POU6F2: variants seen among roughly 807,000 people sequenced by gnomAD.
POU6F2 encodes the protein POU class 6 homeobox 2.
POU6F2 carries 31 observed loss-of-function variants against 71.3 expected under a neutral mutation model. The ratio of observed to expected loss-of-function variants is 0.43; its 90% confidence interval spans 0.33 to 0.59. POU6F2 has a LOEUF of 0.59. Among genes scored for constraint, POU6F2 ranks in the 20% least tolerant of loss-of-function variants. POU6F2 has a pLI of 0.04. For missense variants in POU6F2, 783 were observed against 856.8 expected (o/e 0.91, Z 1.07); for synonymous variants, 347 against 355.7 (o/e 0.98, Z 0.27).
chr7:39,215,922 C>T (rs1794233031), intron 4 of POU6F2, among the ~76,000 whole-genome samples: 1 of 152,216 alleles, frequency 6.6e-6, no homozygotes, highest in Non-Finnish European at 1.5e-5. Context: ...TGTGCAGTGA[C>T]TCTGCTGCAC....
intron 2 of POU6F2, among the ~76,000 whole-genome samples, chr7:39,195,574 G>C (rs865905006): frequency 6.6e-6 from 1 of 151,778 alleles, no homozygotes; most frequent in Non-Finnish European, 1.5e-5. Context: ...CCACAACACA[G>C]GGATCTCTGT....
At chr7:39,262,461 A>G (rs1430083927) in intron 4 of POU6F2, among the ~76,000 whole-genome samples, 8 of 152,242 alleles carry the variant, frequency 5.3e-5, no homozygotes, top group Non-Finnish European at 1.2e-4. Flanking sequence ...CAATGATGGC[A>G]TCCACATTGG....
chr7:39,142,261 T>C (rs998462308), intron 2 of POU6F2, among the ~76,000 whole-genome samples: 5 of 152,356 alleles, frequency 3.3e-5, no homozygotes, highest in African/African-American at 1.2e-4. Context: ...AGCTGCACTG[T>C]GCCTTTGCAG....
chr7:39,205,104 A>T (rs1793984068), intron 3 of POU6F2, among the ~76,000 whole-genome samples: 1 of 149,556 alleles, frequency 6.7e-6, no homozygotes, highest in Admixed American at 6.7e-5. Flanking sequence ...TTCTTATTCC[A>T]CTCGCCACCA....
At chr7:39,042,732 A>T (rs1790215100) in intron 1 of POU6F2, among the ~76,000 whole-genome samples, 1 of 151,986 alleles carries the variant, frequency 6.6e-6, no homozygotes, top group Admixed American at 6.6e-5. Flanking sequence ...GTCAATCTCC[A>T]AGTGGTAAAT....
intron 4 of POU6F2, among the ~76,000 whole-genome samples, chr7:39,319,164 G>A (rs1235223654): frequency 6.6e-6 from 1 of 152,118 alleles, no homozygotes; most frequent in Admixed American, 6.5e-5. Flanking sequence ...TTTGATTTGA[G>A]GTTTCAGACC....
intron 1 of POU6F2, among the ~76,000 whole-genome samples, chr7:39,078,913 T>C (rs140199814): frequency 2.0e-5 from 3 of 152,006 alleles, no homozygotes; most frequent in African/African-American, 7.3e-5. Context: ...GCAAGACTCC[T>C]TCTCAAAAAA....
intron 1 of POU6F2, among the ~76,000 whole-genome samples, chr7:38,986,115 C>A (rs935914993): frequency 1.3e-5 from 2 of 152,092 alleles, no homozygotes; most frequent in Admixed American, 1.3e-4. Flanking sequence ...CTCTAATAAT[C>A]TAAAAATATT....
chr7:39,064,670 T>G (rs538849858), intron 1 of POU6F2, among the ~76,000 whole-genome samples: 1 of 152,022 alleles, frequency 6.6e-6, no homozygotes, highest in East Asian at 1.9e-4. Context: ...AAGATATGAA[T>G]AGCAACTTTG....
At chr7:39,343,483 A>G (rs772858728) in intron 5 of POU6F2, among the ~76,000 whole-genome samples, 11 of 152,180 alleles carry the variant, frequency 7.2e-5, no homozygotes, top group Non-Finnish European at 1.3e-4. Context: ...ATGGTGAAAT[A>G]AAAGCCTCCT....
rs370159547 is a variant in POU6F2 at position 39,348,458 on chromosome 7, GTC to G, written c.972+8449_972+8450del. Among the ~76,000 whole-genome samples, 73 of 152,186 alleles carry G rather than the reference GTC, an allele frequency of 4.8e-4. 1 individual carries two copies. In the South Asian group the frequency reaches 0.015, roughly 31 times the overall value. On this transcript the variant is annotated intron_variant, in intron 5 of 9. Transcript: ENST00000518318. ...TATGTATCTTTTACTAAGTTCTTTG[GTC>G]TCTCTTTTTCTCATCACAACCCAGA...
intron 1 of POU6F2, chr7:39,005,193 GC>G (rs1230528134): frequency 6.6e-6 from 1 of 152,316 alleles, no homozygotes; most frequent in East Asian, 1.9e-4. Flanking sequence ...GCCTGTTTCA[GC>G]TCCAAGAAGA....
chr7:39,058,238 A>G (rs2128715379), intron 1 of POU6F2, among the ~76,000 whole-genome samples: 1 of 152,298 alleles, frequency 6.6e-6, no homozygotes, highest in Middle Eastern at 3.4e-3. Flanking sequence ...GGGGAACAAT[A>G]CACTAACATC....
intron 6 of POU6F2, among the ~76,000 whole-genome samples, chr7:39,423,422 G>T (rs1485984338): frequency 6.6e-6 from 1 of 152,126 alleles, no homozygotes; most frequent in Admixed American, 6.5e-5. Context: ...ATACAATGTG[G>T]TATGCCCTGC....
intron 1 of POU6F2, among the ~76,000 whole-genome samples, chr7:39,012,274 TC>T (rs1789315685): frequency 6.6e-6 from 1 of 152,188 alleles, no homozygotes; most frequent in Non-Finnish European, 1.5e-5. Flanking sequence ...TTCATTCATT[TC>T]ATCTTCCATT....
At chr7:39,021,040 G>A (rs530016429) in intron 1 of POU6F2, among the ~76,000 whole-genome samples, 1 of 151,272 alleles carries the variant, frequency 6.6e-6, no homozygotes, top group Non-Finnish European at 1.5e-5. Context: ...TGGATCCATT[G>A]TCTTTTAATG....
In POU6F2 at chr7:39,377,115, T is replaced by G. The variant is rs1027850233; in HGVS notation, c.973-29485T>G. On this transcript the variant is annotated intron_variant, in intron 5 of 9. Transcript: ENST00000518318. ...ACTTAAATATTAAATAACTTAAATA[T>G]TAAATATATTTATAATTATATATAT... 1.3e-4 allele frequency among the ~76,000 whole-genome samples: 20 copies of G among 148,588 alleles called. No homozygotes were observed. The East Asian group carries it at 3.9e-3, about 29-fold the overall frequency.
intron 5 of POU6F2, among the ~76,000 whole-genome samples, chr7:39,388,202 G>A (rs1399432260): frequency 2.0e-5 from 3 of 152,206 alleles, no homozygotes; most frequent in Non-Finnish European, 4.4e-5. Context: ...CACCATCACA[G>A]GAACAGAGAA....
At chr7:39,067,843 A>C (rs904175279) in intron 1 of POU6F2, among the ~76,000 whole-genome samples, 6 of 152,186 alleles carry the variant, frequency 3.9e-5, no homozygotes, top group African/African-American at 1.4e-4. Flanking sequence ...CTTGGTAATG[A>C]GATGCAAATT....
Sources: allele counts gnomAD v4.1 joint callset (sites outside exome capture counted in the v4.1 genomes callset), GRCh38; gene constraint gnomAD v4.1.1; transcripts MANE v1.5; gene names NCBI Gene and HGNC (gene_info 2026-07-23, HGNC 2026-07-21).